The following NRXN1 variants were observed in gnomAD, a reference collection of about 807,000 sequenced individuals.
NRXN1 encodes the protein neurexin 1, also known as neurexin-1.
Under a neutral mutation model 150.9 loss-of-function variants are expected in NRXN1, and 39 were observed. The observed-to-expected ratio is 0.26, with a 90% CI of 0.20 to 0.34. NRXN1 has a LOEUF of 0.34. Ranked by LOEUF, NRXN1 falls within the 10% of genes least tolerant of loss-of-function variation. NRXN1 has a pLI of 1.00. For synonymous variants in NRXN1, 924 were observed against 757.0 expected (o/e 1.22, Z -3.62); for missense variants, 1,815 against 1,949.9 (o/e 0.93, Z 1.30).
chr2:50,340,816 A>G (rs1458032800), intron 17 of NRXN1, among the ~76,000 whole-genome samples: 1 of 152,222 alleles, frequency 6.6e-6, no homozygotes. Flanking sequence ...TAACATCTCA[A>G]AACATAAATT....
At chr2:50,671,719 G>C (rs1388516032) in intron 5 of NRXN1, among the ~76,000 whole-genome samples, 1 of 151,690 alleles carries the variant, frequency 6.6e-6, no homozygotes, top group Non-Finnish European at 1.5e-5. Flanking sequence ...TATTGAAGTA[G>C]AGATTTGTAA....
chr2:50,855,172 T>A (rs1294043768), intron 5 of NRXN1, among the ~76,000 whole-genome samples: 1 of 151,906 alleles, frequency 6.6e-6, no homozygotes, highest in African/African-American at 2.4e-5. Flanking sequence ...AGAGAATATA[T>A]TACTTTATTT....
intron 21 of NRXN1, among the ~76,000 whole-genome samples, chr2:50,024,612 G>C (rs570949975): frequency 7.2e-5 from 11 of 151,786 alleles, no homozygotes; most frequent in Non-Finnish European, 1.3e-4. Flanking sequence ...TTTGTCACCA[G>C]AGTAATTCTT....
chr2:50,452,404 G>A (rs1286739863), intron 17 of NRXN1, among the ~76,000 whole-genome samples: 1 of 152,164 alleles, frequency 6.6e-6, no homozygotes, highest in Non-Finnish European at 1.5e-5. Context: ...TAGCTCTACA[G>A]ACCTTAAAGA....
chr2:50,963,860 T>C (rs1371971441), intron 2 of NRXN1: 5 of 314,780 alleles, frequency 1.6e-5, no homozygotes, highest in African/African-American at 6.5e-5. Context: ...CAATTTAGCA[T>C]ACACAATGTT....
intron 5 of NRXN1, among the ~76,000 whole-genome samples, chr2:50,801,473 C>A (rs1375707442): frequency 6.6e-6 from 1 of 152,042 alleles, no homozygotes; most frequent in African/African-American, 2.4e-5. Flanking sequence ...CATAATGATG[C>A]AGGATCTGTG....
At chr2:50,279,715 GA>G (rs145901137) in intron 17 of NRXN1, among the ~76,000 whole-genome samples, 23,282 of 151,650 alleles carry the variant, frequency 0.15, 2,118 homozygotes, top group East Asian at 0.36. Flanking sequence ...CACTTTGAAA[GA>G]AAAAAAATTC....
chr2:50,111,118 G>A (rs1573971415), intron 18 of NRXN1, among the ~76,000 whole-genome samples: 2 of 151,950 alleles, frequency 1.3e-5, no homozygotes, highest in African/African-American at 4.8e-5. Context: ...GATACACTGG[G>A]GGCAACTAGC....
intron 19 of NRXN1, among the ~76,000 whole-genome samples, chr2:50,083,495 G>A (rs1573808970): frequency 1.3e-5 from 2 of 152,200 alleles, no homozygotes; most frequent in African/African-American, 4.8e-5. Context: ...CTAGCGCTGA[G>A]TGTTATAGTT....
At chr2:50,739,216 G>T in intron 5 of NRXN1, 1 of 489,414 alleles carries the variant, frequency 2.0e-6, no homozygotes, top group Non-Finnish European at 4.1e-6. Context: ...AGTAGAAATC[G>T]ACCAAGGGCA....
At chr2:50,243,592 A>G (rs1454095273) in intron 17 of NRXN1, among the ~76,000 whole-genome samples, 1 of 151,866 alleles carries the variant, frequency 6.6e-6, no homozygotes, top group Non-Finnish European at 1.5e-5. Context: ...ACACTATTCC[A>G]CCAAACACCA....
intron 19 of NRXN1, among the ~76,000 whole-genome samples, chr2:50,058,111 C>T (rs958877034): frequency 6.6e-6 from 1 of 152,090 alleles, no homozygotes; most frequent in South Asian, 2.1e-4. Flanking sequence ...AAACATTTGA[C>T]TAGTACTAAT....
intron 17 of NRXN1, among the ~76,000 whole-genome samples, chr2:50,254,369 T>G (rs551241891): frequency 6.6e-6 from 1 of 151,758 alleles, no homozygotes; most frequent in Non-Finnish European, 1.5e-5. Flanking sequence ...GACCAGCTCC[T>G]GGATTCATTG....
chr2:50,654,953 C>G (rs945744687), intron 5 of NRXN1, among the ~76,000 whole-genome samples: 4 of 151,792 alleles, frequency 2.6e-5, no homozygotes, highest in Admixed American at 2.0e-4. Flanking sequence ...ACCAAGTGAA[C>G]AAGAGGAAAG....
intron 17 of NRXN1, among the ~76,000 whole-genome samples, chr2:50,458,507 A>G (rs72878324): frequency 0.06 from 9,193 of 152,172 alleles, 896 homozygotes; most frequent in African/African-American, 0.21. Context: ...CCCAGATTTG[A>G]TCATTACACA....
At chr2:51,001,212 T>G (rs1292683313) in intron 2 of NRXN1, among the ~76,000 whole-genome samples, 1 of 94,222 alleles carries the variant, frequency 1.1e-5, no homozygotes, top group African/African-American at 4.2e-5. Flanking sequence ...ACCACATACG[T>G]ACAATGGTAG....
chr2:50,574,973 T>C (rs923888095), intron 8 of NRXN1, among the ~76,000 whole-genome samples: 1 of 152,184 alleles, frequency 6.6e-6, no homozygotes, highest in African/African-American at 2.4e-5. Flanking sequence ...TGCACTAATA[T>C]GCTCTCAGAG....
chr2:50,966,381 G>A (rs1347368208), intron 2 of NRXN1, among the ~76,000 whole-genome samples: 1 of 151,084 alleles, frequency 6.6e-6, no homozygotes, highest in Non-Finnish European at 1.5e-5. Context: ...ACAATTAATA[G>A]CATTCCTGTA....
intron 21 of NRXN1, among the ~76,000 whole-genome samples, chr2:50,032,463 G>C (rs913758001): frequency 6.6e-6 from 1 of 152,092 alleles, no homozygotes; most frequent in African/African-American, 2.4e-5. Flanking sequence ...TTCAATTTCA[G>C]AAATTTCACA....
Sources: allele counts gnomAD v4.1 joint callset (sites outside exome capture counted in the v4.1 genomes callset), GRCh38; gene constraint gnomAD v4.1.1; transcripts MANE v1.5; gene names NCBI Gene and HGNC (gene_info 2026-07-23, HGNC 2026-07-21).